KCTD9: variants seen among roughly 807,000 people sequenced by gnomAD.
KCTD9 encodes the protein BTB/POZ domain-containing protein KCTD9.
A neutral mutation model predicts 53.3 loss-of-function variants in KCTD9; 17 were observed. That is an observed-to-expected ratio of 0.32 (90% CI 0.22 to 0.48). The LOEUF (loss-of-function observed/expected upper bound fraction) is 0.48. Among genes scored for constraint, KCTD9 ranks in the 20% least tolerant of loss-of-function variants. KCTD9 has a pLI of 0.99. For synonymous variants in KCTD9, 128 were observed against 162.7 expected (o/e 0.79, Z 1.62); for missense variants, 179 against 465.5 (o/e 0.38, Z 5.66).
intron 9 of KCTD9, among the ~76,000 whole-genome samples, chr8:25,435,098 TGAG>T (rs1485116797): frequency 6.6e-6 from 1 of 152,210 alleles, no homozygotes; most frequent in Non-Finnish European, 1.5e-5. Flanking sequence ...TACAGTATAT[TGAG>T]GAGATCAAGA....
chr8:25,435,663 G>A lies in KCTD9; in HGVS notation c.664-151C>T, dbSNP rs1802003193. 6.5e-6 allele frequency: 4 copies of A among 616,350 alleles called. No homozygotes were observed. The Admixed American group carries it at 1.4e-4, about 22-fold the overall frequency. 38.2% of individuals were successfully genotyped at this position (616,350 alleles called of 1,614,324 possible). ...ACAGAACATGATAAAATGGAACTTA[G>A]ATACATAAAAGAAGTGTCCTTAAAT... On this transcript the variant is annotated intron_variant, in intron 8 of 11. Transcript: ENST00000221200.
intron 6 of KCTD9, among the ~76,000 whole-genome samples, chr8:25,438,494 C>T (rs192187591): frequency 6.6e-6 from 1 of 152,144 alleles, no homozygotes; most frequent in East Asian, 1.9e-4. Flanking sequence ...TTTTAGATAC[C>T]CAGGTTTTCT....
chr8:25,435,436 C>A lies in KCTD9; in HGVS notation c.740G>T (p.Arg247Leu), dbSNP rs534901964. The stretch of plus-strand genomic sequence containing the variant: ...AAGATTTGCATGTGCAAGATTACAG[C>A]GGCTTAAATTGGCCATTTTGAAGTT... The part of the protein sequence containing the change: ...YINFKMANLS[R>L]CNLAHANLCC... Residue 247 changes from arginine to leucine, a missense_variant, in exon 9 of 12, where the codon CGC becomes CTC. This residue lies in a region of KCTD9 where 32 missense variants were observed against 55.7 expected (regional missense o/e 0.57). Coordinates refer to ENST00000221200, the MANE Select transcript of KCTD9 (RefSeq NM_017634.4). 4 of 1,612,346 alleles carry A rather than the reference C, an allele frequency of 2.5e-6. No individual in the cohort carries two copies. Among genetic ancestry groups the A allele is most frequent in the South Asian group, 1.1e-5 (1 of 90,804 alleles).
At chr8:25,434,256 C>T (rs1188296668) in intron 9 of KCTD9, among the ~76,000 whole-genome samples, 4 of 152,234 alleles carry the variant, frequency 2.6e-5, no homozygotes, top group African/African-American at 9.6e-5. Context: ...TGCACCACCA[C>T]GCCTGGCTAA....
intron 1 of KCTD9, among the ~76,000 whole-genome samples, chr8:25,447,194 G>A (rs1802229009): frequency 6.6e-6 from 1 of 152,092 alleles, no homozygotes; most frequent in African/African-American, 2.4e-5. Context: ...TGGAGTTTGA[G>A]ACCAGCCAGA....
intron 1 of KCTD9, among the ~76,000 whole-genome samples, chr8:25,449,705 A>C (rs1025455502): frequency 1.3e-5 from 2 of 152,156 alleles, no homozygotes; most frequent in Non-Finnish European, 2.9e-5. Context: ...CAGTTCAGTC[A>C]CACTAGCCAC....
chr8:25,450,517 C>A, intron 1 of KCTD9: 1 of 926,786 alleles, frequency 1.1e-6, no homozygotes, highest in Non-Finnish European at 1.3e-6. Flanking sequence ...AGTATAAATG[C>A]AATTCTAAAG....
In KCTD9 at chr8:25,429,738, G is replaced by GT. The variant is rs200541990; in HGVS notation, c.*118dup. The stretch of plus-strand genomic sequence containing the variant: ...TCAAAACAAGCATAATCCTCTAAAT[G>GT]TTTTTTTTTTAAATTTCCTTACAGT... On this transcript the variant is annotated 3_prime_UTR_variant, in exon 12 of 12. Transcript: ENST00000221200. 7.0e-3 allele frequency: 4,351 copies of GT among 621,098 alleles called. No homozygotes were observed. The highest frequency in any genetic ancestry group is 0.012 in the Middle Eastern group (24 of 2,060). 38.5% of individuals were successfully genotyped at this position (621,098 alleles called of 1,614,324 possible).
At chr8:25,437,739 T>G (rs1488667394) in intron 6 of KCTD9, among the ~76,000 whole-genome samples, 2 of 149,746 alleles carry the variant, frequency 1.3e-5, no homozygotes, top group Admixed American at 1.3e-4. Context: ...TCCCATCTAC[T>G]TGGGAAGTTG....
At chr8:25,434,466 A>G (rs1409965037) in intron 9 of KCTD9, among the ~76,000 whole-genome samples, 2 of 152,114 alleles carry the variant, frequency 1.3e-5, no homozygotes, top group Non-Finnish European at 2.9e-5. Flanking sequence ...CTTAACACAA[A>G]CAAAGATGCC....
intron 6 of KCTD9, among the ~76,000 whole-genome samples, chr8:25,439,070 T>C: frequency 6.6e-6 from 1 of 152,236 alleles, no homozygotes; most frequent in South Asian, 2.1e-4. Flanking sequence ...AAAGACTATC[T>C]ACCTGAAGGA....
At position 25,432,645 on chromosome 8, in the gene KCTD9, G is replaced by A; in HGVS notation, c.920-8C>T. ...CACCTTTCAGATTAGCACCTACAGT[G>A]AACACATTCTGGGAGTAGTTTAACT... On this transcript the variant is annotated splice_region_variant and splice_polypyrimidine_tract_variant and intron_variant, in intron 10 of 11. Coordinates refer to ENST00000221200, the MANE Select transcript of KCTD9 (RefSeq NM_017634.4). 1.9e-6 allele frequency: 3 copies of A among 1,606,118 alleles called. No homozygotes were observed. The highest frequency in any genetic ancestry group is 1.7e-5 in the Admixed American group (1 of 58,678).
At position 25,446,869 on chromosome 8, in the gene KCTD9, A is replaced by G. The variant is rs1048347535; in HGVS notation, c.49-619T>C. 4.0e-5 allele frequency among the ~76,000 whole-genome samples: 6 copies of G among 150,264 alleles called. No homozygotes were observed. In the East Asian group the frequency reaches 1.2e-3, roughly 29 times the overall value. On this transcript the variant is annotated intron_variant, in intron 1 of 11. Coordinates refer to ENST00000221200, the MANE Select transcript of KCTD9 (RefSeq NM_017634.4). The stretch of plus-strand genomic sequence containing the variant: ...CTAACTAAGCCAGATTTTAGCATCT[A>G]ACATTTAAGAACAGAGCAAACAGCT...
chr8:25,448,918 G>GAA (rs201590210), intron 1 of KCTD9, among the ~76,000 whole-genome samples: 2 of 136,910 alleles, frequency 1.5e-5, no homozygotes, highest in African/African-American at 2.7e-5. Context: ...CCTTCTCCAA[G>GAA]AAAAAAAAAA....
At chr8:25,455,767 T>G (rs1802421260) in intron 1 of KCTD9, among the ~76,000 whole-genome samples, 1 of 152,198 alleles carries the variant, frequency 6.6e-6, no homozygotes, top group Non-Finnish European at 1.5e-5. Flanking sequence ...CTATTAACCT[T>G]TTCACATGTG....
Position 25,429,761 on chromosome 8 carries a change from A to C in KCTD9, c.*96T>G. 1.4e-6 allele frequency: 1 copy of C among 702,732 alleles called. No homozygotes were observed. Among genetic ancestry groups the C allele is most frequent in the Non-Finnish European group, 2.6e-6 (1 of 387,698 alleles). 43.5% of individuals were successfully genotyped at this position (702,732 alleles called of 1,614,324 possible). A position where few individuals can be genotyped will look rare whatever the true frequency, so the allele number is the denominator to read the frequency against. Reference sequence around the variant, plus strand: ...ATGTTTTTTTTTTAAATTTCCTTACAGTGTTATTTCTTCTAGACAACTGAG... The same window carrying C: ...ATGTTTTTTTTTTAAATTTCCTTACCGTGTTATTTCTTCTAGACAACTGAG... On this transcript the variant is annotated 3_prime_UTR_variant, in exon 12 of 12. Transcript: ENST00000221200.
chr8:25,436,592 G>C (rs1419545542), intron 6 of KCTD9, 107 bp from the exon 7 acceptor site: 1 of 681,086 alleles, frequency 1.5e-6, no homozygotes, highest in Non-Finnish European at 2.4e-6. Flanking sequence ...ACATTTAATT[G>C]CCTTTTTAAA....
chr8:25,431,967 A>G (rs980541696), intron 11 of KCTD9, among the ~76,000 whole-genome samples: 4 of 152,240 alleles, frequency 2.6e-5, no homozygotes, highest in Admixed American at 6.5e-5. Context: ...TATGGGTGGT[A>G]GCTACTATAC....
At chr8:25,440,201 G>C (rs1802093733) in intron 4 of KCTD9, among the ~76,000 whole-genome samples, 1 of 150,750 alleles carries the variant, frequency 6.6e-6, no homozygotes, top group African/African-American at 2.4e-5. Context: ...TGGGACTACA[G>C]GCGCCCGCCA....
Sources: gnomAD v4.1 joint callset for allele counts (sites outside exome capture counted in the v4.1 genomes callset) on GRCh38, gnomAD v4.1.1 for gene constraint, gnomAD v4.1.1 regional missense constraint, MANE v1.5 for transcripts, NCBI Gene and HGNC (gene_info 2026-07-23, HGNC 2026-07-21) for gene names.